FGL1: variants seen among roughly 807,000 people sequenced by gnomAD.
FGL1 encodes fibrinogen like 1, also known as fibrinogen-like protein 1.
In FGL1, 59 loss-of-function variants were observed where a neutral mutation model predicts 43.7. The ratio of observed to expected loss-of-function variants is 1.35; its 90% CI spans 1.10 to 1.68. The LOEUF is 1.68. FGL1 is among the 40% of genes most tolerant of loss of function. The pLI is 0.00. For missense variants in FGL1, 596 were observed against 373.0 expected (o/e 1.60, Z -4.92); for synonymous variants, 192 against 126.5 (o/e 1.52, Z -3.48).
chr8:17,891,060 T>A (rs2053697518), intron 1 of FGL1, among the ~76,000 whole-genome samples: 1 of 152,194 alleles, frequency 6.6e-6, no homozygotes, highest in African/African-American at 2.4e-5. Flanking sequence ...TGAAATATTA[T>A]AATATATGTG....
intron 3 of FGL1, among the ~76,000 whole-genome samples, chr8:17,874,890 A>G: frequency 6.6e-6 from 1 of 151,596 alleles, no homozygotes. Context: ...TCCTCCCACC[A>G]CAGACTCCCA....
chr8:17,867,598 T>A (rs2053289214), intron 7 of FGL1, among the ~76,000 whole-genome samples: 1 of 152,178 alleles, frequency 6.6e-6, no homozygotes. Flanking sequence ...TTAAATCAAA[T>A]AAGCATGATT....
At chr8:17,878,666 T>C (rs1173871060) in intron 3 of FGL1, among the ~76,000 whole-genome samples, 2 of 152,206 alleles carry the variant, frequency 1.3e-5, no homozygotes, top group African/African-American at 4.8e-5. Flanking sequence ...ATCATGTGCC[T>C]AGTGCATTGT....
At chr8:17,877,072 T>G (rs1369502751) in intron 3 of FGL1, among the ~76,000 whole-genome samples, 2 of 152,106 alleles carry the variant, frequency 1.3e-5, no homozygotes, top group African/African-American at 4.8e-5. Context: ...CTTTGGGAAA[T>G]GAGACTTAAA....
chr8:17,885,622 GAGACC>G, intron 1 of FGL1, 51 bp from the exon 2 acceptor site: 1 of 1,516,114 alleles, frequency 6.6e-7, no homozygotes, highest in Non-Finnish European at 9.1e-7. Context: ...AATTTTTCAT[GAGACC>G]AGAGTTCAGA....
chr8:17,894,711 A>G (rs1307423641), intron 1 of FGL1, among the ~76,000 whole-genome samples: 2 of 146,704 alleles, frequency 1.4e-5, no homozygotes, highest in Middle Eastern at 6.4e-3. Flanking sequence ...AACGACAACA[A>G]CAAAAAACGC....
At chr8:17,877,031 T>C (rs1026590082) in intron 3 of FGL1, among the ~76,000 whole-genome samples, 1 of 152,176 alleles carries the variant, frequency 6.6e-6, no homozygotes, top group East Asian at 1.9e-4. Context: ...AGTAGTTCAA[T>C]TTGCTTATAG....
chr8:17,871,456 G>A (rs1002045457), intron 5 of FGL1, among the ~76,000 whole-genome samples: 1 of 143,518 alleles, frequency 7.0e-6, no homozygotes, highest in African/African-American at 2.6e-5. Flanking sequence ...CTGTGCCACT[G>A]CACTCCAGCT....
intron 1 of FGL1, chr8:17,891,661 T>A: frequency 2.0e-6 from 2 of 984,442 alleles, no homozygotes; most frequent in Non-Finnish European, 2.4e-6. Context: ...ACTGAATAGA[T>A]GAGAAGAAAA....
intron 7 of FGL1, among the ~76,000 whole-genome samples, chr8:17,866,536 G>A (rs1415288325): frequency 1.3e-5 from 2 of 152,128 alleles, no homozygotes; most frequent in Non-Finnish European, 2.9e-5. Context: ...CTCCCTTAAT[G>A]CCTACTGATT....
At chr8:17,875,518 T>C (rs1432548554) in intron 3 of FGL1, among the ~76,000 whole-genome samples, 948 of 11,936 alleles carry the variant, frequency 0.079, 108 homozygotes, top group African/African-American at 0.15. Flanking sequence ...TTTCTTTCTT[T>C]CTTTCTTTCT....
chr8:17,881,955 C>T, intron 3 of FGL1, 44 bp downstream of exon 3: 2 of 1,548,974 alleles, frequency 1.3e-6, no homozygotes, highest in Non-Finnish European at 1.8e-6. Context: ...TACATGGGTG[C>T]ATAATGTAAG....
chr8:17,888,448 A>C (rs2053660396), intron 1 of FGL1, among the ~76,000 whole-genome samples: 1 of 152,242 alleles, frequency 6.6e-6, no homozygotes, highest in Non-Finnish European at 1.5e-5. Context: ...CATCATTTGC[A>C]ATGCAGTAGT....
Position 17,865,858 on chromosome 8 carries a change from G to C in FGL1, c.780-1107C>G, listed in dbSNP as rs144182167. ...AAAAGCATATAATCTACCCGTAAAG[G>C]CTGAGTGGCTGGCTTGAATCACTTA... On this transcript the variant is annotated intron_variant, in intron 7 of 7. Transcript: ENST00000427924. Among the ~76,000 whole-genome samples, 170 of 151,506 alleles carry C rather than the reference G, an allele frequency of 1.1e-3. 2 individuals are homozygous for C. Among genetic ancestry groups the C allele is most frequent in the African/African-American group, 4.0e-3 (165 of 40,858 alleles).
intron 3 of FGL1, among the ~76,000 whole-genome samples, chr8:17,880,025 T>C (rs2053511281): frequency 6.6e-6 from 1 of 152,198 alleles, no homozygotes; most frequent in South Asian, 2.1e-4. Flanking sequence ...TCTTTTGGGA[T>C]CACTTATCTG....
chr8:17,885,350 G>A, intron 2 of FGL1, 142 bp downstream of exon 2: 1 of 681,522 alleles, frequency 1.5e-6, no homozygotes, highest in Non-Finnish European at 2.5e-6. Flanking sequence ...TATGTGTCCA[G>A]TATTTCTACC....
chr8:17,868,959 C>T lies in FGL1; in HGVS notation c.548G>A (p.Ser183Asn). 3 of 1,604,606 alleles carry T rather than the reference C, an allele frequency of 1.9e-6. No individual in the cohort carries two copies. Among genetic ancestry groups the T allele is most frequent in the South Asian group, 2.3e-5 (2 of 88,380 alleles). Reference sequence around the variant, plus strand: ...GAAATTCTTATATTGTGCATAACGGCTATTTTTTTCAAAATCTGCAAGGTC... The same window carrying T: ...GAAATTCTTATATTGTGCATAACGGTTATTTTTTTCAAAATCTGCAAGGTC... ...KIDLADFEKN[S>N]RYAQYKNFKV... The change falls in exon 6 of 8, where the codon AGC becomes AAC. Residue 183 changes from serine (S) to asparagine (N), a missense_variant. Ser to Asn is a conservative substitution (Grantham distance 46). Coordinates refer to ENST00000427924, the MANE Select transcript of FGL1 (RefSeq NM_004467.4).
chr8:17,887,454 T>C (rs1256783317), intron 1 of FGL1, among the ~76,000 whole-genome samples: 1 of 152,252 alleles, frequency 6.6e-6, no homozygotes, highest in Non-Finnish European at 1.5e-5. Flanking sequence ...CATCAAATGG[T>C]CTAAAGAGAA....
At chr8:17,873,932 G>C in intron 5 of FGL1, 87 bp downstream of exon 5, 1 of 824,042 alleles carries the variant, frequency 1.2e-6, no homozygotes, top group Non-Finnish European at 1.8e-6. Context: ...TATTGAATTA[G>C]TTCCATTGCC....
Sources: gnomAD v4.1 joint callset for allele counts (sites outside exome capture counted in the v4.1 genomes callset) on GRCh38, gnomAD v4.1.1 for gene constraint, MANE v1.5 for transcripts, NCBI Gene and HGNC (gene_info 2026-07-23, HGNC 2026-07-21) for gene names.